The following PDE1C variants were observed in gnomAD, a reference collection of about 807,000 sequenced individuals.
PDE1C encodes dual specificity calcium/calmodulin-dependent 3',5'-cyclic nucleotide phosphodiesterase 1C.
Under a neutral mutation model 93.1 loss-of-function variants are expected in PDE1C, and 62 were observed. That is an observed-to-expected ratio of 0.67 (90% confidence interval 0.54 to 0.82). The LOEUF (loss-of-function observed/expected upper bound fraction) is 0.82, where lower values mean the gene tolerates loss of function less well. Ranked by LOEUF, PDE1C falls within the 40% of genes least tolerant of loss-of-function variation. The pLI is 0.00. For missense variants in PDE1C, 742 were observed against 884.6 expected, an observed-to-expected ratio of 0.84 and a Z score of 2.04; for synonymous variants, 325 against 310.1, an observed-to-expected ratio of 1.05 and a Z score of -0.50.
intron 17 of PDE1C, among the ~76,000 whole-genome samples, chr7:31,766,128 T>C (rs937851583): frequency 1.3e-5 from 2 of 152,166 alleles, no homozygotes; most frequent in Non-Finnish European, 2.9e-5. Context: ...CTCATGCCTG[T>C]AATCTCAGCA....
At chr7:32,253,061 C>A (rs1355205474) in intron 1 of PDE1C, among the ~76,000 whole-genome samples, 2 of 152,068 alleles carry the variant, frequency 1.3e-5, no homozygotes, top group Non-Finnish European at 2.9e-5. Context: ...ATTCTGGCTG[C>A]TGAATGGAGA....
chr7:31,789,393 T>G (rs531794248), intron 16 of PDE1C: 1 of 152,530 alleles, frequency 6.6e-6, no homozygotes, highest in South Asian at 2.1e-4. Flanking sequence ...CTTTACTGAA[T>G]AAAAAGAAGA....
chr7:31,696,703 A>T, the PDE1C span, among the ~76,000 whole-genome samples: 10 of 152,288 alleles, frequency 6.6e-5, no homozygotes, highest in Middle Eastern at 3.4e-3. Context: ...CAGCTTTGTG[A>T]TGGTGGCCAT....
intron 1 of PDE1C, among the ~76,000 whole-genome samples, chr7:32,403,121 C>G (rs548556233): frequency 1.3e-5 from 2 of 152,318 alleles, no homozygotes; most frequent in Admixed American, 1.3e-4. Context: ...ACTCCATGAT[C>G]ATCCCACGAA....
intron 2 of PDE1C, among the ~76,000 whole-genome samples, chr7:32,015,972 G>A (rs761823876): frequency 7.9e-5 from 12 of 152,140 alleles, no homozygotes; most frequent in Admixed American, 2.0e-4. Flanking sequence ...GGGACAAGGC[G>A]GAAACGGCTT....
intron 1 of PDE1C, among the ~76,000 whole-genome samples, chr7:32,420,612 C>T (rs10269253): frequency 0.23 from 34,098 of 149,686 alleles, 4,030 homozygotes; most frequent in African/African-American, 0.25. Flanking sequence ...AAAGGTTTGT[C>T]GTGAGATTTG....
At chr7:31,869,108 C>T (rs1348824446) in intron 6 of PDE1C, among the ~76,000 whole-genome samples, 2 of 151,998 alleles carry the variant, frequency 1.3e-5, no homozygotes, top group African/African-American at 4.8e-5. Flanking sequence ...GGAAAAAACT[C>T]ACTGGTAAAG....
rs115225168 is a variant in PDE1C at position 31,924,642 on chromosome 7, C to T, written c.129-43782G>A. On this transcript the variant is annotated intron_variant, in intron 2 of 17. Coordinates refer to ENST00000396191, the MANE Select transcript of PDE1C (RefSeq NM_001191057.4). ...CAGCTGCTCCTTCCTTTTGGGAACC[C>T]CCGAGTTTATATATAAGCAGGGTTC... Among the ~76,000 whole-genome samples the T allele has an allele frequency of 5.6e-3, 855 of 152,300 alleles. 5 individuals carry two copies. Among genetic ancestry groups the T allele is most frequent in the African/African-American group, 0.02 (825 of 41,558 alleles).
intron 3 of PDE1C, among the ~76,000 whole-genome samples, chr7:32,141,506 T>C (rs1800523986): frequency 6.6e-6 from 1 of 152,226 alleles, no homozygotes; most frequent in Non-Finnish European, 1.5e-5. Context: ...ACTTCACTTC[T>C]GTGATCTTCC....
chr7:31,702,238 T>C, the PDE1C span, among the ~76,000 whole-genome samples: 3 of 151,952 alleles, frequency 2.0e-5, no homozygotes, highest in African/African-American at 7.3e-5. Flanking sequence ...AATAGATTGT[T>C]GTTCCCAAAT....
intron 17 of PDE1C, among the ~76,000 whole-genome samples, chr7:31,755,760 GAATA>G (rs1423932459): frequency 4.6e-5 from 7 of 152,100 alleles, no homozygotes; most frequent in Non-Finnish European, 8.8e-5. Context: ...ATAAATGATT[GAATA>G]AATAAATAAT....
At position 31,803,279 on chromosome 7, in the gene PDE1C, C is replaced by T. The variant is rs371005888; in HGVS notation, c.1891+5752G>A. On this transcript the variant is annotated intron_variant, in intron 16 of 17. Coordinates refer to ENST00000396191, the MANE Select transcript of PDE1C (RefSeq NM_001191057.4). ...GATTTTAGTCTTTTAAAAAGATCTTCCATGTGTCTACTTCTGAACATATGG... is the reference window on the plus strand; with the variant it reads ...GATTTTAGTCTTTTAAAAAGATCTTTCATGTGTCTACTTCTGAACATATGG... Among the ~76,000 whole-genome samples the T allele has an allele frequency of 4.6e-5, 7 of 151,874 alleles. No homozygotes were observed. In the East Asian group the frequency reaches 7.8e-4, roughly 17 times the overall value.
intron 2 of PDE1C, among the ~76,000 whole-genome samples, chr7:32,206,391 T>C (rs537320863): frequency 3.3e-5 from 5 of 152,106 alleles, no homozygotes; most frequent in East Asian, 1.9e-4. Context: ...GACTGTCTAA[T>C]AGAGACCGAC....
chr7:32,004,555 C>T (rs1785933688), intron 2 of PDE1C, among the ~76,000 whole-genome samples: 2 of 152,078 alleles, frequency 1.3e-5, no homozygotes, highest in South Asian at 4.1e-4. Context: ...ACTTTTTTTC[C>T]TGCTGGATTT....
chr7:32,085,381 A>G (rs1022173137), intron 3 of PDE1C, among the ~76,000 whole-genome samples: 3 of 142,238 alleles, frequency 2.1e-5, no homozygotes, highest in African/African-American at 8.0e-5. Flanking sequence ...AACCAAAAAG[A>G]GTCCAGGACC....
At chr7:31,711,894 G>T in the PDE1C span, among the ~76,000 whole-genome samples, 1 of 152,090 alleles carries the variant, frequency 6.6e-6, no homozygotes, top group Admixed American at 6.6e-5. Flanking sequence ...CCCTGCTTTG[G>T]ATTCCAGTGA....
intron 2 of PDE1C, among the ~76,000 whole-genome samples, chr7:32,194,107 G>C (rs931086708): frequency 1.3e-5 from 2 of 151,852 alleles, no homozygotes; most frequent in Non-Finnish European, 2.9e-5. Context: ...GTAGAGACAG[G>C]GTTTCACCAT....
At chr7:32,274,858 C>T (rs7795032) in intron 1 of PDE1C, among the ~76,000 whole-genome samples, 39,545 of 152,056 alleles carry the variant, frequency 0.26, 5,420 homozygotes, top group East Asian at 0.45. Context: ...AATTTGCTAA[C>T]GTGCTTAAGA....
At chr7:32,388,912 G>A (rs1436903469) in intron 1 of PDE1C, among the ~76,000 whole-genome samples, 1 of 151,886 alleles carries the variant, frequency 6.6e-6, no homozygotes, top group Non-Finnish European at 1.5e-5. Flanking sequence ...CTACCCATAG[G>A]GACAGAAAAC....
Sources: gnomAD v4.1 joint callset for allele counts (sites outside exome capture counted in the v4.1 genomes callset) on GRCh38, gnomAD v4.1.1 for gene constraint, MANE v1.5 for transcripts, NCBI Gene and HGNC (gene_info 2026-07-23, HGNC 2026-07-21) for gene names.